PHEX: variants seen among roughly 807,000 people sequenced by gnomAD.
PHEX encodes phosphate-regulating neutral endopeptidase PHEX.
Under a neutral mutation model 68.0 loss-of-function variants are expected in PHEX, and 16 were observed. The ratio of observed to expected loss-of-function variants is 0.24; its 90% CI spans 0.16 to 0.36. PHEX has a LOEUF of 0.36. Among genes scored for constraint, PHEX ranks in the 10% least tolerant of loss-of-function variants. The probability of loss-of-function intolerance (pLI) is 1.00; values close to 1 mark genes in which losing one functional copy is unlikely to be tolerated. For missense variants in PHEX, 480 were observed against 575.5 expected, an observed-to-expected ratio of 0.83 and a Z score of 1.70; for synonymous variants, 208 against 205.1, an observed-to-expected ratio of 1.01 and a Z score of -0.12.
intron 3 of PHEX, among the ~76,000 whole-genome samples, chrX:22,047,757 G>A (rs1041634590): frequency 3.6e-5 from 4 of 111,496 alleles, no homozygotes; most frequent in Non-Finnish European, 7.5e-5. Flanking sequence ...ACACGTGGAT[G>A]CATAGAAACA....
At chrX:22,211,818 A>G (rs929548738) in intron 15 of PHEX, among the ~76,000 whole-genome samples, 1 of 112,335 alleles carries the variant, frequency 8.9e-6, no homozygotes. Flanking sequence ...GGAAGATAAA[A>G]GAGGAGCAAA....
At chrX:22,154,566 T>C (rs1344052974) in intron 12 of PHEX, among the ~76,000 whole-genome samples, 1 of 111,625 alleles carries the variant, frequency 9.0e-6, no homozygotes, top group East Asian at 2.8e-4. Flanking sequence ...CCAGGAATGC[T>C]GCTAAATATC....
chrX:22,037,152 T>A (rs1407762934), intron 1 of PHEX, among the ~76,000 whole-genome samples: 1 of 108,023 alleles, frequency 9.3e-6, no homozygotes, highest in Admixed American at 1.0e-4. Flanking sequence ...TTTTCTTGAA[T>A]CTCTAATGTA....
intron 11 of PHEX, among the ~76,000 whole-genome samples, chrX:22,120,727 G>A (rs1012628524): frequency 1.8e-5 from 2 of 111,654 alleles, no homozygotes; most frequent in African/African-American, 6.5e-5. Flanking sequence ...TTGTACATAC[G>A]TCATTCTAAG....
rs771907880 is a variant in PHEX, at chrX:22,099,000, C to T, written c.934-6C>T. ...TCTCATTCTGTTTTGTTCTCTCTCC[C>T]CTCAGTTCGACTGGCTGGGCTACAT... On this transcript the variant is annotated splice_region_variant and splice_polypyrimidine_tract_variant and intron_variant, in intron 8 of 21. Transcript: ENST00000379374. The T allele has an allele frequency of 8.3e-7, 1 of 1,208,160 alleles. No homozygotes were observed. Among genetic ancestry groups the T allele is most frequent in the South Asian group, 1.8e-5 (1 of 56,835 alleles).
At chrX:22,182,291 A>G (rs1933905443) in intron 14 of PHEX, among the ~76,000 whole-genome samples, 1 of 111,260 alleles carries the variant, frequency 9.0e-6, no homozygotes, top group African/African-American at 3.3e-5. Flanking sequence ...AACGATGTTG[A>G]ATTTTATTAA....
chrX:22,042,261 A>G (rs1232223621), intron 2 of PHEX, among the ~76,000 whole-genome samples: 2 of 111,650 alleles, frequency 1.8e-5, no homozygotes, highest in African/African-American at 6.5e-5. Context: ...TCTTATTTTA[A>G]TCCCTCTTTC....
At chrX:22,052,114 A>G (rs1927862424) in intron 3 of PHEX, among the ~76,000 whole-genome samples, 2 of 112,453 alleles carry the variant, frequency 1.8e-5, no homozygotes. Context: ...ACAAATAAAC[A>G]GCAAAAGAAG....
chrX:22,112,611 T>C (rs1179393958), intron 10 of PHEX, among the ~76,000 whole-genome samples: 3 of 111,472 alleles, frequency 2.7e-5, no homozygotes, highest in Non-Finnish European at 5.6e-5. Flanking sequence ...CACTAGCATA[T>C]AAAGTTACTT....
intron 12 of PHEX, among the ~76,000 whole-genome samples, chrX:22,159,968 A>T (rs1215070741): frequency 5.3e-5 from 6 of 112,171 alleles, no homozygotes; most frequent in African/African-American, 1.3e-4. Flanking sequence ...CTTGTTATAG[A>T]ATGGTTTTCC....
At chrX:22,061,362 A>G (rs1928355927) in intron 3 of PHEX, among the ~76,000 whole-genome samples, 1 of 111,308 alleles carries the variant, frequency 9.0e-6, no homozygotes, top group African/African-American at 3.3e-5. Context: ...TCTCACCCCC[A>G]ATTCTGAGAA....
chrX:22,049,400 C>T (rs182305433), intron 3 of PHEX, among the ~76,000 whole-genome samples: 327 of 111,036 alleles, frequency 2.9e-3, no homozygotes, highest in African/African-American at 9.9e-3. Context: ...AGGCATGAGC[C>T]ACCGCGCCTG....
intron 11 of PHEX, among the ~76,000 whole-genome samples, chrX:22,116,478 G>T (rs976974902): frequency 1.8e-5 from 2 of 111,545 alleles, no homozygotes; most frequent in African/African-American, 3.3e-5. Context: ...GAGCAGCTTG[G>T]ATGCAGGTGG....
chrX:22,083,869 C>T (rs1425939456), intron 5 of PHEX, among the ~76,000 whole-genome samples: 5 of 111,740 alleles, frequency 4.5e-5, no homozygotes, highest in Non-Finnish European at 7.5e-5. Context: ...TCTAGTATTG[C>T]GCTGAATAAA....
At chrX:22,234,998 C>CGAA (rs1319841618) in intron 20 of PHEX, among the ~76,000 whole-genome samples, 2 of 111,604 alleles carry the variant, frequency 1.8e-5, no homozygotes, top group African/African-American at 6.5e-5. Flanking sequence ...CTGCAGGTTG[C>CGAA]GAAGACCGTG....
rs749879274 is a variant in PHEX, at chrX:22,211,148, AT to A, written c.1646-1753del. Among the ~76,000 whole-genome samples, 6 of 111,807 alleles carry A rather than the reference AT, an allele frequency of 5.4e-5. No individual in the cohort carries two copies. The East Asian group carries it at 1.7e-3, about 32-fold the overall frequency. ...TCCTAGGATCAACCCAGGGTGCAAA[AT>A]TTAGTGGTGAGTTGCAAGGGCAAAG... On this transcript the variant is annotated intron_variant, in intron 15 of 21. Transcript: ENST00000379374.
chrX:22,178,312 C>G lies in PHEX; in HGVS notation c.1522C>G (p.Gln508Glu). 4 of 1,204,906 alleles carry G rather than the reference C, an allele frequency of 3.3e-6. No individual in the cohort carries two copies. Among genetic ancestry groups the G allele is most frequent in the Non-Finnish European group, 4.5e-6 (4 of 890,236 alleles). The change falls in exon 14 of 22, where the codon CAA (glutamine) becomes GAA (glutamate). Residue 508 changes from glutamine to glutamate, a missense_variant. Gln to Glu is a conservative substitution (Grantham distance 29, BLOSUM62 2). Coordinates refer to ENST00000379374, the MANE Select transcript of PHEX (RefSeq NM_000444.6). The part of the protein sequence containing the change: ...SEADYFGNVL[Q>E]TRKYLAQSDF... ...AGCCGACTACTTTGGCAACGTCCTA[C>G]AAACTCGCAAGTATTTAGCACAGTC...
chrX:22,189,387 A>C (rs1012241642), intron 14 of PHEX, among the ~76,000 whole-genome samples: 1 of 111,918 alleles, frequency 8.9e-6, no homozygotes, highest in African/African-American at 3.3e-5. Flanking sequence ...ATTAAGCAAA[A>C]GGTTATCTCA....
chrX:22,094,470 C>G (rs775412919), intron 7 of PHEX, among the ~76,000 whole-genome samples: 12 of 112,290 alleles, frequency 1.1e-4, no homozygotes, highest in Non-Finnish European at 2.1e-4. Context: ...CCTTAGTAAT[C>G]TGGCTTGAAT....
Sources: allele counts gnomAD v4.1 joint callset (sites outside exome capture counted in the v4.1 genomes callset), GRCh38; gene constraint gnomAD v4.1.1; transcripts MANE v1.5; gene names NCBI Gene and HGNC (gene_info 2026-07-23, HGNC 2026-07-21).